The following CD72 variants were observed in gnomAD, a reference collection of about 807,000 sequenced individuals.
CD72 encodes B-cell differentiation antigen CD72.
A neutral mutation model predicts 50.7 loss-of-function variants in CD72; 28 were observed. The observed-to-expected ratio is 0.55, with a 90% CI of 0.41 to 0.76. The LOEUF is 0.76. Among genes scored for constraint, CD72 ranks in the 30% least tolerant of loss-of-function variants. The pLI, the probability that CD72 is intolerant of heterozygous loss-of-function variation, is 0.00. For synonymous variants in CD72, 176 were observed against 171.2 expected, an observed-to-expected ratio of 1.03 and a Z score of -0.22; for missense variants, 403 against 420.6, an observed-to-expected ratio of 0.96 and a Z score of 0.37.
At chr9:35,637,947 CTG>C (rs1369462273) in intron 1 of CD72, among the ~76,000 whole-genome samples, 1 of 152,196 alleles carries the variant, frequency 6.6e-6, no homozygotes. Context: ...TTCCCTTAGC[CTG>C]TGTTCTTGAA....
upstream of CD72, among the ~76,000 whole-genome samples, chr9:35,620,450 A>G (rs1476948620): frequency 6.6e-6 from 1 of 150,546 alleles, no homozygotes; most frequent in African/African-American, 2.5e-5. Context: ...AGCCTAGGCA[A>G]CAAGAGCAAA....
At position 35,618,387 on chromosome 9, in the gene CD72, T is replaced by G; in HGVS notation, c.-84A>C. 5 of 1,590,916 alleles carry G rather than the reference T, an allele frequency of 3.1e-6. No homozygotes were observed. The highest frequency in any genetic ancestry group is 4.3e-6 in the Non-Finnish European group (5 of 1,168,692). Reference sequence around the variant, plus strand: ...CCTCTCGTCTCTGTCCGTTTACAACTAGGCTCTGTGTTCCCTCTGTGACTG... The same window carrying G: ...CCTCTCGTCTCTGTCCGTTTACAACGAGGCTCTGTGTTCCCTCTGTGACTG... On this transcript the variant is annotated 5_prime_UTR_variant, in exon 1 of 9. Transcript: ENST00000259633.
At position 35,616,218 on chromosome 9, in the gene CD72, C is replaced by CTGCT. The variant is rs776185769; in HGVS notation, c.409_412dup (p.Ser138LysfsTer66). On this transcript the variant is annotated frameshift_variant, in exon 5 of 9. Transcript: ENST00000259633. LOFTEE classifies it high-confidence loss of function. ...CTTGAGGCGGAGCTGCTGCCTCAGG[C>CTGCT]TGCTGTTAGTGACTTCCAGAACCCT... The CTGCT allele has an allele frequency of 1.4e-5, 22 of 1,614,006 alleles. No homozygotes were observed. Among genetic ancestry groups the CTGCT allele is most frequent in the Non-Finnish European group, 1.7e-5 (20 of 1,180,016 alleles).
chr9:35,630,875 G>C (rs948178127), intron 1 of CD72, among the ~76,000 whole-genome samples: 1 of 152,084 alleles, frequency 6.6e-6, no homozygotes, highest in Non-Finnish European at 1.5e-5. Context: ...ATAAACCTGC[G>C]CAACATGGCA....
intron 1 of CD72, among the ~76,000 whole-genome samples, chr9:35,630,482 G>A (rs911835253): frequency 7.2e-5 from 11 of 152,034 alleles, no homozygotes; most frequent in African/African-American, 2.2e-4. Context: ...CACTTTTTAT[G>A]ATATTTTCTC....
At chr9:35,630,874 C>A (rs750618630) in intron 1 of CD72, among the ~76,000 whole-genome samples, 1 of 152,050 alleles carries the variant, frequency 6.6e-6, no homozygotes, top group Non-Finnish European at 1.5e-5. Flanking sequence ...GATAAACCTG[C>A]GCAACATGGC....
At chr9:35,624,757 CT>C (rs1823180629) in intron 1 of CD72, among the ~76,000 whole-genome samples, 1 of 152,168 alleles carries the variant, frequency 6.6e-6, no homozygotes, top group South Asian at 2.1e-4. Context: ...CACTTCGTGT[CT>C]CTGTGTCATC....
At chr9:35,614,980 A>G (rs2131761538) in intron 5 of CD72, among the ~76,000 whole-genome samples, 1 of 152,218 alleles carries the variant, frequency 6.6e-6, no homozygotes, top group African/African-American at 2.4e-5. Context: ...GAAGGGAGAA[A>G]AAGGGGAGTC....
chr9:35,640,398 T>C (rs1823327624), intron 1 of CD72, among the ~76,000 whole-genome samples: 1 of 152,252 alleles, frequency 6.6e-6, no homozygotes, highest in Non-Finnish European at 1.5e-5. Flanking sequence ...CTTGGGGTTC[T>C]TGGCCTCACG....
At chr9:35,626,680 C>T (rs1436941152) in intron 1 of CD72, among the ~76,000 whole-genome samples, 1 of 152,208 alleles carries the variant, frequency 6.6e-6, no homozygotes, top group Non-Finnish European at 1.5e-5. Flanking sequence ...GATCAGTCAG[C>T]AGCTACCAAC....
At chr9:35,610,373 C>T (rs958715352) in intron 8 of CD72, 73 bp from the exon 9 acceptor site, 14 of 436,396 alleles carry the variant, frequency 3.2e-5, no homozygotes, top group Middle Eastern at 6.1e-4. Flanking sequence ...CCCATCTCCT[C>T]CTCAGCTCTC....
Position 35,612,850 on chromosome 9 carries a change from A to C in CD72, c.832T>G (p.Ser278Ala). 1 of 1,614,116 alleles carries C rather than the reference A, an allele frequency of 6.2e-7. No homozygotes were observed. Reference sequence around the variant, plus strand: ...TCTGTGAGTAAGGATATGCTTACTGATTGTGGATAAATTTCACTGAATGTG... The same window carrying C: ...TCTGTGAGTAAGGATATGCTTACTGCTTGTGGATAAATTTCACTGAATGTG... The part of the protein sequence containing the change: ...LATFSEIYPQ[S>A]HSYYFLNSLL... The change falls in exon 6 of 9, where the codon TCA (serine) becomes GCA (alanine). Residue 278 changes from serine (S) to alanine (A), a missense_variant and splice_region_variant. Ser to Ala is a moderately conservative substitution (Grantham distance 99). Transcript: ENST00000259633.
chr9:35,614,852 G>T (rs1274422961), intron 5 of CD72, among the ~76,000 whole-genome samples: 1 of 152,116 alleles, frequency 6.6e-6, no homozygotes, highest in East Asian at 1.9e-4. Context: ...AAAAATAAGT[G>T]AGTAGTTGAA....
At chr9:35,611,779 T>C (rs1199918432) in intron 7 of CD72, 25 bp downstream of exon 7, 1 of 1,241,520 alleles carries the variant, frequency 8.1e-7, no homozygotes, top group Non-Finnish European at 1.2e-6. Flanking sequence ...GAGTTGAAAA[T>C]ACCCAGAAGT....
rs191923810 is a variant in CD72, at chr9:35,611,899, A to G, written c.855T>C (p.Asn285=). Residue 285 remains asparagine (N), a synonymous_variant, in exon 7 of 9, where the codon AAT becomes AAC. Coordinates refer to ENST00000259633, the MANE Select transcript of CD72 (RefSeq NM_001782.3). ...CTGAACCACCATTTGGCAACAGTGA[A>G]TTTAAGAAGTAGTAAGAGTGCTGAG... ...YPQSHSYYFL[N]SLLPNGGSGN... 6.3e-6 allele frequency: 10 copies of G among 1,597,324 alleles called. No individual in the cohort carries two copies. In the African/African-American group the frequency reaches 6.7e-5, roughly 11 times the overall value.
intron 1 of CD72, among the ~76,000 whole-genome samples, chr9:35,627,147 T>A (rs1205362075): frequency 6.6e-6 from 1 of 151,430 alleles, no homozygotes; most frequent in Non-Finnish European, 1.5e-5. Flanking sequence ...CTTTTTTTTT[T>A]TTTGAGATGG....
At chr9:35,624,414 G>A (rs545364017), upstream of CD72, among the ~76,000 whole-genome samples, 3 of 152,208 alleles carry the variant, frequency 2.0e-5, no homozygotes, top group Admixed American at 6.5e-5. Context: ...GATGACCACT[G>A]AGTTGGCAGT....
At chr9:35,641,527 A>C (rs1342419015) in intron 1 of CD72, among the ~76,000 whole-genome samples, 1 of 152,140 alleles carries the variant, frequency 6.6e-6, no homozygotes, top group African/African-American at 2.4e-5. Context: ...AAGGGTTTAA[A>C]GTAATTTCCA....
At chr9:35,636,494 G>A (rs373452333) in intron 1 of CD72, among the ~76,000 whole-genome samples, 12 of 152,208 alleles carry the variant, frequency 7.9e-5, no homozygotes, top group African/African-American at 2.9e-4. Flanking sequence ...AATAAAAGAA[G>A]TAGAAATGAA....
Sources: gnomAD v4.1 joint callset for allele counts (sites outside exome capture counted in the v4.1 genomes callset) on GRCh38, gnomAD v4.1.1 for gene constraint, MANE v1.5 for transcripts, NCBI Gene and HGNC (gene_info 2026-07-23, HGNC 2026-07-21) for gene names.